The following CEP112 variants were observed in gnomAD, a reference collection of about 807,000 sequenced individuals.
CEP112 encodes the protein centrosomal protein 112.
In CEP112, 127 loss-of-function variants were observed where a neutral mutation model predicts 153.0. The ratio of observed to expected loss-of-function variants is 0.83; its 90% confidence interval spans 0.72 to 0.96. CEP112 has a LOEUF of 0.96. CEP112 is among the 40% of genes least tolerant of loss of function. The pLI is 0.00. For missense variants in CEP112, 1,089 were observed against 1,101.2 expected, an observed-to-expected ratio of 0.99 and a Z score of 0.16; for synonymous variants, 358 against 374.4, an observed-to-expected ratio of 0.96 and a Z score of 0.51.
At chr17:65,972,232 T>C (rs2062868204) in intron 17 of CEP112, among the ~76,000 whole-genome samples, 1 of 152,018 alleles carries the variant, frequency 6.6e-6, no homozygotes, top group Non-Finnish European at 1.5e-5. Flanking sequence ...TAAAAATCAA[T>C]AAAAGAAAGA....
chr17:65,711,007 G>T lies in CEP112; in HGVS notation c.2608-21789C>A, dbSNP rs1405534167. Among the ~76,000 whole-genome samples the T allele has an allele frequency of 2.0e-5, 3 of 152,174 alleles. No homozygotes were observed. In the East Asian group the frequency reaches 5.8e-4, roughly 29 times the overall value. On this transcript the variant is annotated intron_variant, in intron 23 of 26. Transcript: ENST00000535342. ...TCAACTGCTTGTCATGGCATTCCTG[G>T]GTGAGACAGCATGGCTCGTTGGTGG...
chr17:65,701,155 T>G (rs1020281854), intron 23 of CEP112, among the ~76,000 whole-genome samples: 1 of 152,098 alleles, frequency 6.6e-6, no homozygotes, highest in Non-Finnish European at 1.5e-5. Context: ...GGACAAGAGA[T>G]GGCGAGAAAT....
intron 20 of CEP112, among the ~76,000 whole-genome samples, chr17:65,852,895 C>CATTT (rs1568118323): frequency 6.6e-6 from 1 of 152,054 alleles, no homozygotes; most frequent in East Asian, 1.9e-4. Flanking sequence ...AAATGTAAGA[C>CATTT]TACAAATGTC....
chr17:65,970,999 C>A (rs1397068179), intron 17 of CEP112, among the ~76,000 whole-genome samples: 1 of 152,048 alleles, frequency 6.6e-6, no homozygotes, highest in African/African-American at 2.4e-5. Context: ...TTGTAAAGGG[C>A]TTCTTATTTT....
intron 20 of CEP112, among the ~76,000 whole-genome samples, chr17:65,894,276 T>C (rs2059586445): frequency 6.6e-6 from 1 of 152,088 alleles, no homozygotes; most frequent in African/African-American, 2.4e-5. Context: ...AGAAAAGAAT[T>C]CATCTTAAAA....
Position 65,794,959 on chromosome 17 carries a change from G to T in CEP112, c.2395-44235C>A, listed in dbSNP as rs371431090. On this transcript the variant is annotated intron_variant, in intron 21 of 26. Transcript: ENST00000535342. ...TGTTTTGTTCATTGATATATTCCAA[G>T]TACATGGAACAGTATCTGACACAAG... Among the ~76,000 whole-genome samples, 3 of 152,346 alleles carry T rather than the reference G, an allele frequency of 2.0e-5. No homozygotes were observed. In the South Asian group the frequency reaches 6.2e-4, roughly 32 times the overall value.
intron 23 of CEP112, among the ~76,000 whole-genome samples, chr17:65,717,368 C>A (rs1190503724): frequency 6.6e-6 from 1 of 152,134 alleles, no homozygotes; most frequent in Non-Finnish European, 1.5e-5. Context: ...AAGTCAGTCC[C>A]AGAAGAGAGA....
chr17:66,035,041 C>T (rs4791093), intron 12 of CEP112, among the ~76,000 whole-genome samples: 136,003 of 138,274 alleles, frequency 0.98, 66,939 homozygotes, highest in Middle Eastern at 1. Context: ...AGTTTCGCCA[C>T]GTTGCCCAGG....
At chr17:65,921,039 TATC>T (rs1265063519) in intron 19 of CEP112, among the ~76,000 whole-genome samples, 1 of 152,094 alleles carries the variant, frequency 6.6e-6, no homozygotes, top group Non-Finnish European at 1.5e-5. Flanking sequence ...TTTAATCCCT[TATC>T]ATCCTCGACT....
At chr17:66,023,482 TGAAAGAAATACAAAG>T in intron 16 of CEP112, among the ~76,000 whole-genome samples, 1 of 152,080 alleles carries the variant, frequency 6.6e-6, no homozygotes, top group Non-Finnish European at 1.5e-5. Context: ...GCTTCATAAA[TGAAAGAAATACAAAG>T]TATTTCCCAG....
At chr17:65,720,943 G>A (rs1360507047) in intron 23 of CEP112, among the ~76,000 whole-genome samples, 3 of 151,810 alleles carry the variant, frequency 2.0e-5, no homozygotes, top group Non-Finnish European at 4.4e-5. Context: ...TGGTGGGTCT[G>A]GGATTTGAAC....
chr17:65,848,829 G>A (rs2057818918), intron 21 of CEP112, among the ~76,000 whole-genome samples: 1 of 152,128 alleles, frequency 6.6e-6, no homozygotes, highest in African/African-American at 2.4e-5. Flanking sequence ...TCTCTATGAT[G>A]ATTTTCAAAT....
intron 8 of CEP112, among the ~76,000 whole-genome samples, chr17:66,082,150 T>C (rs1406465523): frequency 1.3e-5 from 2 of 152,200 alleles, no homozygotes; most frequent in African/African-American, 4.8e-5. Flanking sequence ...GACCTCTTCT[T>C]GTTGTGTTGT....
intron 1 of CEP112, among the ~76,000 whole-genome samples, chr17:66,183,884 T>C (rs1049794109): frequency 2.6e-5 from 4 of 151,932 alleles, no homozygotes; most frequent in South Asian, 2.1e-4. Context: ...CAAGAAAGCA[T>C]GGGAGGAAAT....
Position 66,172,073 on chromosome 17 carries a change from T to C in CEP112, c.470+2971A>G, listed in dbSNP as rs560875480. ...TCACAATATACCCGTTTCAAAGGGA[T>C]TTTGTACAGATTAAATTAAATATGT... On this transcript the variant is annotated intron_variant, in intron 4 of 26. Coordinates refer to ENST00000535342, the MANE Select transcript of CEP112 (RefSeq NM_001199165.4). Among the ~76,000 whole-genome samples, 27 of 152,328 alleles carry C rather than the reference T, an allele frequency of 1.8e-4. No homozygotes were observed. The South Asian group carries it at 5.4e-3, about 30-fold the overall frequency.
chr17:65,872,343 T>C (rs2058692791), intron 20 of CEP112, among the ~76,000 whole-genome samples: 1 of 152,044 alleles, frequency 6.6e-6, no homozygotes, highest in African/African-American at 2.4e-5. Context: ...AGAATCATAA[T>C]ACATGATTAT....
At chr17:65,800,784 CT>C (rs2055223416) in intron 21 of CEP112, among the ~76,000 whole-genome samples, 1 of 152,054 alleles carries the variant, frequency 6.6e-6, no homozygotes, top group African/African-American at 2.4e-5. Flanking sequence ...TATTGTTTGT[CT>C]TTTTTAATAC....
chr17:65,744,211 C>T (rs776466617), intron 22 of CEP112, among the ~76,000 whole-genome samples: 18 of 151,562 alleles, frequency 1.2e-4, no homozygotes, highest in Non-Finnish European at 1.9e-4. Context: ...TTTAACCTGC[C>T]GACTTTATGG....
At chr17:66,143,923 T>C (rs230573) in intron 4 of CEP112, among the ~76,000 whole-genome samples, 152,286 of 152,336 alleles carry the variant, frequency 1, 76,118 homozygotes, top group Non-Finnish European at 1. Context: ...ATCTGCCTCC[T>C]ATTTCTCTGC....
Sources: gnomAD v4.1 joint callset for allele counts (sites outside exome capture counted in the v4.1 genomes callset) on GRCh38, gnomAD v4.1.1 for gene constraint, MANE v1.5 for transcripts, NCBI Gene and HGNC (gene_info 2026-07-23, HGNC 2026-07-21) for gene names.